SLC24A2: variants seen among roughly 807,000 people sequenced by gnomAD.
SLC24A2 encodes solute carrier family 24 member 2.
SLC24A2 carries 36 observed loss-of-function variants against 62.0 expected under a neutral mutation model. The observed-to-expected ratio is 0.58, with a 90% CI of 0.44 to 0.77. The LOEUF (loss-of-function observed/expected upper bound fraction) is 0.77, where lower values mean the gene tolerates loss of function less well. Ranked by LOEUF, SLC24A2 falls within the 30% of genes least tolerant of loss-of-function variation. The pLI is 0.00. For missense variants in SLC24A2, 846 were observed against 817.9 expected, an observed-to-expected ratio of 1.03 and a Z score of -0.42; for synonymous variants, 358 against 294.0, an observed-to-expected ratio of 1.22 and a Z score of -2.23.
the SLC24A2 span, among the ~76,000 whole-genome samples, chr9:20,303,552 C>T: frequency 6.6e-6 from 1 of 152,138 alleles, no homozygotes; most frequent in Admixed American, 6.5e-5. Flanking sequence ...ATGATAGCCC[C>T]CAGCCCATAC....
intron 4 of SLC24A2, among the ~76,000 whole-genome samples, chr9:19,612,745 C>T (rs551673163): frequency 6.6e-6 from 1 of 151,760 alleles, no homozygotes; most frequent in South Asian, 2.1e-4. Context: ...GGTATGGTGT[C>T]TTGTACCTGT....
intron 2 of SLC24A2, among the ~76,000 whole-genome samples, chr9:19,762,626 T>G (rs945657818): frequency 2.6e-5 from 4 of 152,072 alleles, no homozygotes; most frequent in Non-Finnish European, 5.9e-5. Flanking sequence ...TGTAGATGTG[T>G]GGTGTTATTT....
chr9:20,246,873 C>T, the SLC24A2 span, among the ~76,000 whole-genome samples: 11 of 152,338 alleles, frequency 7.2e-5, no homozygotes, highest in Non-Finnish European at 1.0e-4. Context: ...GCCACCACCA[C>T]CCTATCTCCA....
chr9:20,009,739 G>A, the SLC24A2 span, among the ~76,000 whole-genome samples: 1 of 152,266 alleles, frequency 6.6e-6, no homozygotes, highest in African/African-American at 2.4e-5. Context: ...AAGTCAGGAG[G>A]CAACCGGCAA....
the SLC24A2 span, among the ~76,000 whole-genome samples, chr9:19,994,438 G>A: frequency 1.3e-5 from 2 of 152,152 alleles, no homozygotes; most frequent in African/African-American, 4.8e-5. Context: ...TTCCTGACTA[G>A]AACACTGCCA....
intron 2 of SLC24A2, among the ~76,000 whole-genome samples, chr9:19,654,410 A>G (rs903436169): frequency 6.6e-5 from 10 of 152,138 alleles, no homozygotes; most frequent in Non-Finnish European, 1.3e-4. Flanking sequence ...GTGAGAGACC[A>G]TGACTTTTGA....
intron 2 of SLC24A2, among the ~76,000 whole-genome samples, chr9:19,708,894 A>C (rs2118581455): frequency 6.6e-6 from 1 of 152,312 alleles, no homozygotes; most frequent in South Asian, 2.1e-4. Flanking sequence ...ACAAAAGCCA[A>C]AATTGACAAA....
At chr9:19,542,990 G>C (rs1188218134) in intron 8 of SLC24A2, among the ~76,000 whole-genome samples, 1 of 152,144 alleles carries the variant, frequency 6.6e-6, no homozygotes, top group Admixed American at 6.5e-5. Context: ...TCTATTGTTT[G>C]AAATGGTTTC....
the SLC24A2 span, among the ~76,000 whole-genome samples, chr9:20,211,310 C>G: frequency 6.6e-6 from 1 of 152,042 alleles, no homozygotes; most frequent in Non-Finnish European, 1.5e-5. Flanking sequence ...GTCAGGAGTT[C>G]AAGACCAGCC....
chr9:19,708,523 A>C (rs1204025349), intron 2 of SLC24A2, among the ~76,000 whole-genome samples: 3 of 152,242 alleles, frequency 2.0e-5, no homozygotes, highest in Non-Finnish European at 4.4e-5. Flanking sequence ...AGGCTACAGT[A>C]ACCAAAACAG....
chr9:19,726,673 A>G (rs1372251402), intron 2 of SLC24A2, among the ~76,000 whole-genome samples: 1 of 152,202 alleles, frequency 6.6e-6, no homozygotes, highest in Non-Finnish European at 1.5e-5. Context: ...TCTACTTGTC[A>G]TGCATATGAC....
At chr9:20,096,101 GTCCGTCCGTCCGTCCGTCCGTCCA>G in the SLC24A2 span, among the ~76,000 whole-genome samples, 1 of 137,578 alleles carries the variant, frequency 7.3e-6, no homozygotes, top group Non-Finnish European at 1.7e-5. Context: ...CCGTCCGTCC[GTCCGTCCGTCCGTCCGTCCGTCCA>G]TCCTATTGAT....
At chr9:19,732,577 T>C (rs1389951750) in intron 2 of SLC24A2, among the ~76,000 whole-genome samples, 1 of 152,180 alleles carries the variant, frequency 6.6e-6, no homozygotes, top group East Asian at 1.9e-4. Flanking sequence ...CTAAGGAACA[T>C]ATGCAATGTC....
chr9:20,263,870 C>T, the SLC24A2 span, among the ~76,000 whole-genome samples: 1 of 116,712 alleles, frequency 8.6e-6, no homozygotes, highest in Non-Finnish European at 1.8e-5. Context: ...CGCCCCCCCC[C>T]CCCCATTAAG....
intron 2 of SLC24A2, among the ~76,000 whole-genome samples, chr9:19,745,201 T>C (rs1821796900): frequency 6.6e-6 from 1 of 152,170 alleles, no homozygotes; most frequent in African/African-American, 2.4e-5. Flanking sequence ...CCTTCTGCCA[T>C]GGTTGAAAGA....
chr9:19,904,275 G>A, the SLC24A2 span, among the ~76,000 whole-genome samples: 2 of 152,202 alleles, frequency 1.3e-5, no homozygotes, highest in African/African-American at 2.4e-5. Context: ...CAGTGATCTA[G>A]AAGAGATTGT....
the SLC24A2 span, among the ~76,000 whole-genome samples, chr9:19,897,511 A>T: frequency 1.4e-4 from 22 of 152,336 alleles, no homozygotes; most frequent in Middle Eastern, 6.8e-3. Context: ...TATTATTTAA[A>T]ACAGTGTATT....
At chr9:19,858,945 C>G in the SLC24A2 span, among the ~76,000 whole-genome samples, 1 of 152,076 alleles carries the variant, frequency 6.6e-6, no homozygotes, top group Non-Finnish European at 1.5e-5. Context: ...TGTGGCAATT[C>G]CTTAAAGAAA....
intron 3 of SLC24A2, among the ~76,000 whole-genome samples, chr9:19,621,486 A>C (rs139104040): frequency 1.3e-5 from 2 of 152,338 alleles, no homozygotes; most frequent in African/African-American, 4.8e-5. Flanking sequence ...TTTTTAATGC[A>C]TTGTATTATT....
Sources: allele counts gnomAD v4.1 joint callset (sites outside exome capture counted in the v4.1 genomes callset), GRCh38; gene constraint gnomAD v4.1.1; transcripts MANE v1.5; gene names NCBI Gene and HGNC (gene_info 2026-07-23, HGNC 2026-07-21).